The following TMEM242 variants were observed in gnomAD, a reference collection of about 807,000 sequenced individuals.
TMEM242 encodes the protein transmembrane protein 242.
In TMEM242, 10 loss-of-function variants were observed where a neutral mutation model predicts 18.2. The observed-to-expected ratio is 0.55, with a 90% CI of 0.34 to 0.93. The LOEUF (loss-of-function observed/expected upper bound fraction) is 0.93, where lower values mean the gene tolerates loss of function less well. TMEM242 is among the 40% of genes least tolerant of loss of function. The pLI is 0.02. For synonymous variants in TMEM242, 57 were observed against 69.9 expected (o/e 0.81, Z 0.92); for missense variants, 186 against 175.5 (o/e 1.06, Z -0.34).
intron 3 of TMEM242, among the ~76,000 whole-genome samples, chr6:157,306,302 G>A (rs886345013): frequency 6.6e-6 from 1 of 152,210 alleles, no homozygotes; most frequent in African/African-American, 2.4e-5. Flanking sequence ...GAGGCAGGGA[G>A]AACAGAGACA....
At position 157,320,478 on chromosome 6, in the gene TMEM242, T is replaced by G. The variant is rs143624887; in HGVS notation, c.190-1559A>C. Among the ~76,000 whole-genome samples, 1,496 of 152,320 alleles carry G rather than the reference T, an allele frequency of 9.8e-3. 28 individuals carry two copies. The highest frequency in any genetic ancestry group is 0.034 in the African/African-American group (1,400 of 41,564). On this transcript the variant is annotated intron_variant, in intron 2 of 3. Transcript: ENST00000400788. ...ACATTTTTGTTAGTCTTTTATTTAT[T>G]TATATTTTTTGAGATGGAGTCTCGC...
intron 3 of TMEM242, among the ~76,000 whole-genome samples, chr6:157,313,528 TGGCGTCATCATAGTGCCCCAGTGTTCGC>T (rs1778282494): frequency 7.1e-5 from 1 of 14,090 alleles, no homozygotes; most frequent in African/African-American, 2.4e-4. Context: ...TGCAGTCATC[TGGCGTCATCATAGTGCCCCAGTGTTCGC>T]TCACCTAGCC....
intron 3 of TMEM242, among the ~76,000 whole-genome samples, chr6:157,311,253 C>T (rs200035847): frequency 7.6e-4 from 38 of 49,752 alleles, no homozygotes; most frequent in Admixed American, 1.0e-3. Context: ...AGTGTGCGCT[C>T]ACCTAGCCTC....
chr6:157,317,954 G>A (rs1778434365), intron 3 of TMEM242, among the ~76,000 whole-genome samples: 1 of 152,100 alleles, frequency 6.6e-6, no homozygotes, highest in Non-Finnish European at 1.5e-5. Context: ...CCGGTCCACA[G>A]AACTTCCAAC....
intron 3 of TMEM242, among the ~76,000 whole-genome samples, chr6:157,298,585 A>T (rs1255870085): frequency 6.6e-6 from 1 of 152,206 alleles, no homozygotes; most frequent in Non-Finnish European, 1.5e-5. Context: ...AGAGGAAATG[A>T]AGGCGGTTTC....
chr6:157,319,673 C>T (rs782741109), intron 2 of TMEM242, among the ~76,000 whole-genome samples: 1 of 152,154 alleles, frequency 6.6e-6, no homozygotes, highest in Non-Finnish European at 1.5e-5. Flanking sequence ...AAAATAAAAG[C>T]AGTGTAGGCA....
chr6:157,316,367 C>A (rs1448456202), intron 3 of TMEM242, among the ~76,000 whole-genome samples: 1 of 152,150 alleles, frequency 6.6e-6, no homozygotes. Context: ...ATATTAATAT[C>A]TGCTAGATAG....
intron 3 of TMEM242, among the ~76,000 whole-genome samples, chr6:157,315,093 G>A (rs990447071): frequency 1.3e-5 from 2 of 152,158 alleles, no homozygotes; most frequent in African/African-American, 4.8e-5. Context: ...AACATTTTCT[G>A]ACTGAGACTG....
At position 157,289,459 on chromosome 6, in the gene TMEM242, T is replaced by C. The variant is rs587658676; in HGVS notation, c.*3442A>G. Reference sequence around the variant, plus strand: ...ACTTGAACATGGTATTATAAAAATATGTATTTTACTAACTTTCATAGGAAA... The same window carrying C: ...ACTTGAACATGGTATTATAAAAATACGTATTTTACTAACTTTCATAGGAAA... On this transcript the variant is annotated 3_prime_UTR_variant, in exon 4 of 4. Coordinates refer to ENST00000400788, the MANE Select transcript of TMEM242 (RefSeq NM_018452.6). The C allele has an allele frequency of 3.9e-4, 60 of 152,342 alleles. No individual in the cohort carries two copies. The highest frequency in any genetic ancestry group is 1.4e-3 in the African/African-American group (59 of 41,586). The allele number at this position is 152,342 out of a possible 1,614,324, so 9.4% of individuals were successfully genotyped here.
intron 1 of TMEM242, 57 bp downstream of exon 1, chr6:157,323,355 G>A (rs1427940535): frequency 2.5e-6 from 4 of 1,573,136 alleles, no homozygotes; most frequent in African/African-American, 2.7e-5. Flanking sequence ...TCCAGAGCAA[G>A]CCAGGGTCCG....
At chr6:157,322,602 T>G in intron 2 of TMEM242, 103 bp downstream of exon 2, 1 of 927,538 alleles carries the variant, frequency 1.1e-6, no homozygotes, top group African/African-American at 1.6e-5. Context: ...ATTCACATCT[T>G]AAAGCAATGT....
chr6:157,312,427 C>T (rs1778184794), intron 3 of TMEM242, among the ~76,000 whole-genome samples: 1 of 131,540 alleles, frequency 7.6e-6, no homozygotes, highest in South Asian at 2.6e-4. Flanking sequence ...ATCATAGTGT[C>T]ACAGTGTGCA....
intron 3 of TMEM242, among the ~76,000 whole-genome samples, chr6:157,312,717 C>G (rs1554249405): frequency 2.7e-4 from 31 of 113,368 alleles, no homozygotes; most frequent in South Asian, 1.3e-3. Flanking sequence ...CTCACCTGGC[C>G]TCATCTTACT....
rs781820426 is a variant in TMEM242, at chr6:157,318,807, A to G, written c.302T>C (p.Val101Ala). The G allele has an allele frequency of 1.9e-6, 3 of 1,614,102 alleles. No individual in the cohort carries two copies. Among genetic ancestry groups the G allele is most frequent in the Admixed American group, 1.7e-5 (1 of 60,016 alleles). ...ACTGTGAACTCCTAAAGCTTTCCAG[A>G]CTGCGAAGCTAATCACACCAACCCC... ...WCGVGVISFAVWKALGVHSMN... is the reference protein window; with the variant it reads ...WCGVGVISFAAWKALGVHSMN... Residue 101 changes from valine to alanine, a missense_variant, in exon 3 of 4, where the codon GTC (valine) becomes GCC (alanine). By Grantham distance (64) the Val-to-Ala change is moderately conservative. Transcript: ENST00000400788.
chr6:157,295,730 C>T (rs1487120644), intron 3 of TMEM242, among the ~76,000 whole-genome samples: 1 of 152,082 alleles, frequency 6.6e-6, no homozygotes, highest in East Asian at 1.9e-4. Flanking sequence ...GTAACTGAAT[C>T]AATAGAAGCA....
intron 3 of TMEM242, among the ~76,000 whole-genome samples, chr6:157,315,596 G>A (rs1238582830): frequency 3.3e-5 from 5 of 152,100 alleles, no homozygotes; most frequent in Non-Finnish European, 7.4e-5. Context: ...CCCAGCAGAG[G>A]CTGAGTAGAT....
At chr6:157,323,220 G>A (rs1351355143) in intron 1 of TMEM242, among the ~76,000 whole-genome samples, 192 bp downstream of exon 1, 1 of 152,116 alleles carries the variant, frequency 6.6e-6, no homozygotes, top group Non-Finnish European at 1.5e-5. Context: ...CCCCCGCCCC[G>A]CCCAAGGGGA....
intron 3 of TMEM242, among the ~76,000 whole-genome samples, chr6:157,308,566 C>A (rs1777946986): frequency 6.6e-6 from 1 of 152,128 alleles, no homozygotes; most frequent in South Asian, 2.1e-4. Flanking sequence ...GTTTTATTTA[C>A]ATGTTTTACT....
chr6:157,292,766 C>T lies in TMEM242; in HGVS notation c.*135G>A, dbSNP rs954311877. On this transcript the variant is annotated 3_prime_UTR_variant, in exon 4 of 4. Transcript: ENST00000400788. ...TACTCTCCTGTGATGAGGCTGAATG[C>T]TATCCAGTGCACTGGTTCAGTCAGC... 2 of 675,746 alleles carry T rather than the reference C, an allele frequency of 3.0e-6. No individual in the cohort carries two copies. The highest frequency in any genetic ancestry group is 5.2e-6 in the Non-Finnish European group (2 of 385,822). 41.9% of individuals were successfully genotyped at this position (675,746 alleles called of 1,614,324 possible). A position where few individuals can be genotyped will look rare whatever the true frequency, so the allele number is the denominator to read the frequency against.
Sources: allele counts gnomAD v4.1 joint callset (sites outside exome capture counted in the v4.1 genomes callset), GRCh38; gene constraint gnomAD v4.1.1; transcripts MANE v1.5; gene names NCBI Gene and HGNC (gene_info 2026-07-23, HGNC 2026-07-21).